NTM: variants seen among roughly 807,000 people sequenced by gnomAD.
NTM encodes IgLON family member 2.
In NTM, 13 loss-of-function variants were observed where a neutral mutation model predicts 42.1. The ratio of observed to expected loss-of-function variants is 0.31; its 90% CI spans 0.20 to 0.49. NTM has a LOEUF of 0.49. NTM is among the 20% of genes least tolerant of loss of function. NTM has a pLI of 0.99. For synonymous variants in NTM, 187 were observed against 179.2 expected (o/e 1.04, Z -0.35); for missense variants, 373 against 452.8 (o/e 0.82, Z 1.60).
intron 2 of NTM, among the ~76,000 whole-genome samples, chr11:132,070,170 G>T (rs376733506): frequency 7.1e-4 from 88 of 123,256 alleles, no homozygotes; most frequent in African/African-American, 2.6e-3. Context: ...ACCGTCACAG[G>T]TTAGTTAACA....
At chr11:132,157,020 C>T (rs1230409078) in intron 3 of NTM, among the ~76,000 whole-genome samples, 2 of 152,194 alleles carry the variant, frequency 1.3e-5, no homozygotes, top group Non-Finnish European at 2.9e-5. Context: ...GCTGGGAGCA[C>T]CAAAGACCAG....
At chr11:131,615,903 C>A (rs969749244) in intron 1 of NTM, among the ~76,000 whole-genome samples, 5 of 152,234 alleles carry the variant, frequency 3.3e-5, no homozygotes, top group African/African-American at 1.2e-4. Context: ...CACGGCAGGA[C>A]CTCTGCTTCC....
chr11:132,135,369 T>C (rs1225160625), intron 2 of NTM, among the ~76,000 whole-genome samples: 1 of 152,244 alleles, frequency 6.6e-6, no homozygotes, highest in Non-Finnish European at 1.5e-5. Flanking sequence ...GAGTTCCTTC[T>C]GATCACAAAG....
At chr11:131,532,012 T>A (rs980134203) in intron 1 of NTM, among the ~76,000 whole-genome samples, 1 of 152,204 alleles carries the variant, frequency 6.6e-6, no homozygotes, top group Non-Finnish European at 1.5e-5. Flanking sequence ...CCTTCATGTA[T>A]GTGTGTTGCT....
intron 1 of NTM, among the ~76,000 whole-genome samples, chr11:131,685,304 A>T (rs1320310210): frequency 6.6e-6 from 1 of 152,028 alleles, no homozygotes; most frequent in East Asian, 1.9e-4. Context: ...ATCCATGGGA[A>T]GCAGCTGGGG....
At position 132,310,166 on chromosome 11, in the gene NTM, G is replaced by A. The variant is rs780699087; in HGVS notation, c.716G>A (p.Gly239Glu). The A allele has an allele frequency of 6.2e-7, 1 of 1,611,006 alleles. No homozygotes were observed. Among genetic ancestry groups the A allele is most frequent in the Non-Finnish European group, 8.5e-7 (1 of 1,178,864 alleles). The change falls in exon 6 of 9, where the codon GGG (glycine) becomes GAG (glutamate). Residue 239 changes from glycine to glutamate, a missense_variant. Gly to Glu is a moderately conservative substitution (Grantham distance 98, BLOSUM62 -2). Transcript: ENST00000683400. ...KGTGVPVGQK[G>E]TLQCEASAVP... The stretch of plus-strand genomic sequence containing the variant: ...ACAGGTGTCCCCGTGGGACAAAAGG[G>A]GACACTGCAGTGTGAAGCCTCAGCA...
intron 4 of NTM, among the ~76,000 whole-genome samples, chr11:132,246,298 C>T (rs2091143961): frequency 6.6e-6 from 1 of 152,244 alleles, no homozygotes; most frequent in South Asian, 2.1e-4. Context: ...TGTGTCTCCA[C>T]CGACACAATC....
chr11:131,521,331 A>G (rs1488107142), intron 1 of NTM, among the ~76,000 whole-genome samples: 6 of 114,360 alleles, frequency 5.2e-5, no homozygotes, highest in Admixed American at 9.5e-5. Flanking sequence ...AAATAAATAA[A>G]TAAATAAATA....
chr11:131,421,026 T>C (rs555494421), intron 1 of NTM, among the ~76,000 whole-genome samples: 36 of 152,206 alleles, frequency 2.4e-4, no homozygotes, highest in African/African-American at 8.7e-4. Flanking sequence ...AGATGGAGTG[T>C]GTACCCTTAG....
intron 1 of NTM, among the ~76,000 whole-genome samples, chr11:131,583,407 A>C (rs942905435): frequency 7.2e-5 from 11 of 152,200 alleles, no homozygotes; most frequent in African/African-American, 2.7e-4. Flanking sequence ...TTCTTCATAA[A>C]ATATTAAGAG....
At chr11:131,913,266 G>T (rs4517530) in intron 2 of NTM, among the ~76,000 whole-genome samples, 1 of 152,184 alleles carries the variant, frequency 6.6e-6, no homozygotes, top group Non-Finnish European at 1.5e-5. Flanking sequence ...CCTAGTCCTT[G>T]GCTGCAAGGA....
At chr11:131,655,892 C>T (rs2067123238) in intron 1 of NTM, among the ~76,000 whole-genome samples, 1 of 152,198 alleles carries the variant, frequency 6.6e-6, no homozygotes. Flanking sequence ...AGTGCTGGGA[C>T]CAAATCGATT....
At chr11:131,776,227 T>A (rs2086948250) in intron 1 of NTM, among the ~76,000 whole-genome samples, 1 of 152,242 alleles carries the variant, frequency 6.6e-6, no homozygotes, top group Non-Finnish European at 1.5e-5. Context: ...TTTAAAGTCT[T>A]ATTTCACATT....
chr11:131,797,966 T>C (rs2091753376), intron 1 of NTM, among the ~76,000 whole-genome samples: 1 of 152,028 alleles, frequency 6.6e-6, no homozygotes, highest in Non-Finnish European at 1.5e-5. Flanking sequence ...TAAAATGACA[T>C]TTTTCATTTG....
intron 2 of NTM, among the ~76,000 whole-genome samples, chr11:132,032,690 C>A (rs2076075338): frequency 6.6e-6 from 1 of 152,140 alleles, no homozygotes; most frequent in Admixed American, 6.5e-5. Context: ...TCCTCCAAGT[C>A]ACCCCTTCAA....
chr11:132,195,311 C>A (rs938093461), intron 3 of NTM, among the ~76,000 whole-genome samples: 1 of 151,856 alleles, frequency 6.6e-6, no homozygotes, highest in African/African-American at 2.4e-5. Context: ...AAAAACAAAT[C>A]GAAAAACATT....
chr11:132,015,417 A>G (rs2073210511), intron 2 of NTM, among the ~76,000 whole-genome samples: 1 of 151,678 alleles, frequency 6.6e-6, no homozygotes, highest in African/African-American at 2.4e-5. Context: ...TTTTTTTTCT[A>G]TTTCTGTGAA....
At chr11:132,183,861 T>C (rs993533057) in intron 3 of NTM, among the ~76,000 whole-genome samples, 15 of 151,940 alleles carry the variant, frequency 9.9e-5, no homozygotes, top group Non-Finnish European at 5.9e-5. Context: ...AATACCTTGC[T>C]GGGACATGCA....
chr11:131,841,831 C>T (rs774350157), intron 1 of NTM, among the ~76,000 whole-genome samples: 3 of 152,042 alleles, frequency 2.0e-5, no homozygotes, highest in Admixed American at 1.3e-4. Context: ...GGAGCAGGAG[C>T]GGCAGAGGCC....
Sources: allele counts gnomAD v4.1 joint callset (sites outside exome capture counted in the v4.1 genomes callset), GRCh38; gene constraint gnomAD v4.1.1; transcripts MANE v1.5; gene names NCBI Gene and HGNC (gene_info 2026-07-23, HGNC 2026-07-21).